ACTA2: variants seen among roughly 807,000 people sequenced by gnomAD.
ACTA2 encodes the protein actin, aortic smooth muscle.
A neutral mutation model predicts 39.5 loss-of-function variants in ACTA2; 12 were observed. That is an observed-to-expected ratio of 0.30 (90% CI 0.19 to 0.49). ACTA2 has a LOEUF of 0.49. Among genes scored for constraint, ACTA2 ranks in the 20% least tolerant of loss-of-function variants. The probability of loss-of-function intolerance (pLI) is 0.99; values close to 1 mark genes in which losing one functional copy is unlikely to be tolerated. For missense variants in ACTA2, 236 were observed against 498.8 expected (o/e 0.47, Z 5.02); for synonymous variants, 158 against 180.6 (o/e 0.88, Z 1.00).
chr10:88,956,695 CA>C (rs1846144494), upstream of ACTA2, among the ~76,000 whole-genome samples: 1 of 152,170 alleles, frequency 6.6e-6, no homozygotes, highest in African/African-American at 2.4e-5. Flanking sequence ...TCTCAGTTTC[CA>C]AAAAGTATTT....
At chr10:88,954,201 G>T (rs1846096547), upstream of ACTA2, among the ~76,000 whole-genome samples, 1 of 152,140 alleles carries the variant, frequency 6.6e-6, no homozygotes, top group Admixed American at 6.5e-5. Context: ...GTTCACTCAT[G>T]TTACTATGTC....
intron 8 of ACTA2, among the ~76,000 whole-genome samples, chr10:88,936,236 G>A (rs146005173): frequency 1.4e-4 from 22 of 152,282 alleles, no homozygotes; most frequent in African/African-American, 3.6e-4. Context: ...AGGTAACACC[G>A]GTTATATCAG....
At chr10:88,987,432 A>T (rs1846935315) in intron 1 of ACTA2, among the ~76,000 whole-genome samples, 1 of 152,220 alleles carries the variant, frequency 6.6e-6, no homozygotes, top group South Asian at 2.1e-4. Flanking sequence ...TGCATCCAGA[A>T]CTTGGATAGC....
chr10:88,942,538 G>C (rs1845874635), intron 4 of ACTA2, among the ~76,000 whole-genome samples: 1 of 152,134 alleles, frequency 6.6e-6, no homozygotes, highest in African/African-American at 2.4e-5. Context: ...CCAGCCCAAT[G>C]GTAATAGAGG....
intron 8 of ACTA2, among the ~76,000 whole-genome samples, chr10:88,936,456 G>A (rs1315002472): frequency 1.3e-5 from 2 of 152,132 alleles, no homozygotes; most frequent in South Asian, 2.1e-4. Context: ...TTTGGATCAC[G>A]TGGGTGGATC....
intron 1 of ACTA2, among the ~76,000 whole-genome samples, chr10:88,976,062 C>T (rs1446975005): frequency 6.6e-6 from 1 of 152,172 alleles, no homozygotes; most frequent in Non-Finnish European, 1.5e-5. Flanking sequence ...CCATACATTA[C>T]TATTATCAAT....
At chr10:88,976,164 C>T (rs1357720372) in intron 1 of ACTA2, among the ~76,000 whole-genome samples, 1 of 151,922 alleles carries the variant, frequency 6.6e-6, no homozygotes, top group Non-Finnish European at 1.5e-5. Context: ...TGTCTTGGGC[C>T]ACACATAAAA....
chr10:88,984,574 G>A (rs911008620), intron 1 of ACTA2, among the ~76,000 whole-genome samples: 1 of 152,134 alleles, frequency 6.6e-6, no homozygotes, highest in Non-Finnish European at 1.5e-5. Context: ...TTTGCAAACT[G>A]GTTCAATATT....
intron 4 of ACTA2, among the ~76,000 whole-genome samples, chr10:88,942,411 C>G (rs1438130857): frequency 1.3e-5 from 2 of 152,192 alleles, no homozygotes; most frequent in East Asian, 1.9e-4. Context: ...TGTGATTTGT[C>G]TGAGGTTCTA....
intron 8 of ACTA2, 25 bp from the exon 9 acceptor site, chr10:88,935,391 G>T: frequency 6.2e-7 from 1 of 1,612,888 alleles, no homozygotes; most frequent in Non-Finnish European, 8.5e-7. Context: ...GAAAAAGAAT[G>T]GTCATTAATG....
chr10:88,988,662 G>A (rs1471042551), intron 1 of ACTA2, among the ~76,000 whole-genome samples: 1 of 151,968 alleles, frequency 6.6e-6, no homozygotes, highest in Non-Finnish European at 1.5e-5. Context: ...AGGACTCTCA[G>A]GAATATGCTG....
At chr10:88,946,996 G>T (rs1406696032) in intron 3 of ACTA2, 4 of 341,758 alleles carry the variant, frequency 1.2e-5, no homozygotes, top group Non-Finnish European at 2.2e-5. Flanking sequence ...GCGGTGTTTG[G>T]TTTTTTGTCC....
upstream of ACTA2, among the ~76,000 whole-genome samples, chr10:88,956,511 C>T (rs915418966): frequency 2.6e-5 from 4 of 152,126 alleles, no homozygotes; most frequent in Non-Finnish European, 4.4e-5. Flanking sequence ...TTAAGATTAT[C>T]GATTTAATCA....
chr10:88,943,504 A>T (rs944383031), intron 4 of ACTA2, among the ~76,000 whole-genome samples: 1 of 152,206 alleles, frequency 6.6e-6, no homozygotes, highest in African/African-American at 2.4e-5. Context: ...ATTGTATGTG[A>T]TGCTGCATTT....
At chr10:88,988,194 G>A (rs1293673421) in intron 1 of ACTA2, among the ~76,000 whole-genome samples, 1 of 152,164 alleles carries the variant, frequency 6.6e-6, no homozygotes, top group East Asian at 1.9e-4. Flanking sequence ...GTTAAGAAGA[G>A]GGGAGAGGGA....
intron 1 of ACTA2, among the ~76,000 whole-genome samples, chr10:88,985,270 G>T (rs1846842500): frequency 1.3e-5 from 2 of 152,110 alleles, no homozygotes; most frequent in South Asian, 4.1e-4. Flanking sequence ...TATATCTAGG[G>T]ACTCTGTCCT....
chr10:88,949,137 GCTGAAACTCTGACTT>G (rs1447597216), intron 1 of ACTA2, among the ~76,000 whole-genome samples, 184 bp from the exon 2 acceptor site: 2 of 152,286 alleles, frequency 1.3e-5, no homozygotes, highest in African/African-American at 2.4e-5. Context: ...CTTTCAGTAA[GCTGAAACTCTGACTT>G]CTGAAACTCT....
exon 1 of ACTA2, chr10:88,991,008 G>T: frequency 6.6e-7 from 1 of 1,519,132 alleles, no homozygotes; most frequent in Non-Finnish European, 9.1e-7. Flanking sequence ...GGCGGCAGCG[G>T]CGCACGCGGG....
At chr10:88,965,011 T>C (rs1282253633) in intron 1 of ACTA2, among the ~76,000 whole-genome samples, 1 of 152,152 alleles carries the variant, frequency 6.6e-6, no homozygotes, top group African/African-American at 2.4e-5. Context: ...GTGTATTCTA[T>C]TTCCAGAGCC....
Sources: allele counts gnomAD v4.1 joint callset (sites outside exome capture counted in the v4.1 genomes callset), GRCh38; gene constraint gnomAD v4.1.1; transcripts MANE v1.5; gene names NCBI Gene and HGNC (gene_info 2026-07-23, HGNC 2026-07-21).